The following SCNN1G variants were observed in gnomAD, a reference collection of about 807,000 sequenced individuals.
SCNN1G encodes sodium channel epithelial 1 subunit gamma.
In SCNN1G, 27 loss-of-function variants were observed where a neutral mutation model predicts 64.6. The observed-to-expected ratio is 0.42, with a 90% CI of 0.31 to 0.58. The LOEUF is 0.58. SCNN1G is among the 20% of genes least tolerant of loss of function. The pLI is 0.18. For missense variants in SCNN1G, 743 were observed against 823.4 expected (o/e 0.90, Z 1.19); for synonymous variants, 330 against 314.2 (o/e 1.05, Z -0.53).
chr16:23,204,334 T>TATATATATAGAGAGAGAGAG (rs1567267153), intron 6 of SCNN1G, among the ~76,000 whole-genome samples: 2 of 15,172 alleles, frequency 1.3e-4, no homozygotes, highest in Non-Finnish European at 2.2e-4. Context: ...TATATATATA[T>TATATATATAGAGAGAGAGAG]AGAGAGAGAG....
intron 6 of SCNN1G, among the ~76,000 whole-genome samples, chr16:23,197,878 CAA>C (rs10716781): frequency 1.1e-3 from 160 of 144,430 alleles, no homozygotes; most frequent in South Asian, 3.1e-3. Context: ...GACTCCATCT[CAA>C]AAAAAAAAAA....
At chr16:23,197,165 G>T in intron 5 of SCNN1G, 99 bp from the exon 6 acceptor site, 1 of 966,294 alleles carries the variant, frequency 1.0e-6, no homozygotes, top group South Asian at 1.4e-5. Flanking sequence ...GAAATACCTG[G>T]TCTTGGGTTT....
rs772662441 is a variant in SCNN1G at position 23,186,347 on chromosome 16, A to G, written c.76A>G (p.Lys26Glu). The G allele has an allele frequency of 1.2e-6, 2 of 1,614,268 alleles. No individual in the cohort carries two copies. Among genetic ancestry groups the G allele is most frequent in the South Asian group, 2.2e-5 (2 of 91,090 alleles). ...GACGGGCCCTCAGGCGCCGACCATT[A>G]AAGAGCTGATGCGGTGGTACTGCCT... ...PVTGPQAPTIKELMRWYCLNT... is the reference protein window; with the variant it reads ...PVTGPQAPTIEELMRWYCLNT... Residue 26 changes from lysine to glutamate, a missense_variant, in exon 2 of 13, where the codon AAA (lysine) becomes GAA (glutamate). By Grantham distance (56) the Lys-to-Glu change is moderately conservative. Coordinates refer to ENST00000300061, the MANE Select transcript of SCNN1G (RefSeq NM_001039.4).
At chr16:23,214,563 G>A (rs1033874494) in intron 11 of SCNN1G, 149 bp from the exon 12 acceptor site, 11 of 700,846 alleles carry the variant, frequency 1.6e-5, no homozygotes, top group Admixed American at 4.0e-5. Context: ...GGGTGTAGAC[G>A]GAGCCCTTAT....
intron 6 of SCNN1G, among the ~76,000 whole-genome samples, chr16:23,209,519 TAC>T (rs1960044860): frequency 4.6e-5 from 7 of 152,330 alleles, no homozygotes; most frequent in South Asian, 2.1e-4. Context: ...CACTGGAAGG[TAC>T]GTTCCAGGAG....
At position 23,205,959 on chromosome 16, in the gene SCNN1G, A is replaced by T. The variant is rs1158596997; in HGVS notation, c.1078-3791A>T. Among the ~76,000 whole-genome samples the T allele has an allele frequency of 2.6e-5, 4 of 151,970 alleles. No individual in the cohort carries two copies. The East Asian group carries it at 7.8e-4, about 29-fold the overall frequency. ...CCACCATGCCCTCAGTGGCTGGGGGAGGAAGTCCTTTTTACTACTGGGAGA... is the reference window on the plus strand; with the variant it reads ...CCACCATGCCCTCAGTGGCTGGGGGTGGAAGTCCTTTTTACTACTGGGAGA... On this transcript the variant is annotated intron_variant, in intron 6 of 12. Coordinates refer to ENST00000300061, the MANE Select transcript of SCNN1G (RefSeq NM_001039.4).
rs1025395986 is a variant in SCNN1G at position 23,182,776 on chromosome 16, C to A, written c.-82C>A. On this transcript the variant is annotated 5_prime_UTR_variant, in exon 1 of 13. Coordinates refer to ENST00000300061, the MANE Select transcript of SCNN1G (RefSeq NM_001039.4). The stretch of plus-strand genomic sequence containing the variant: ...AGCCCGAGAGCGAGCAGAGGAGCAG[C>A]GCACCCGCACGAGCCTTGGACCCTT... 4.6e-5 allele frequency: 7 copies of A among 152,448 alleles called. No individual in the cohort carries two copies. Among genetic ancestry groups the A allele is most frequent in the African/African-American group, 1.4e-4 (6 of 41,470 alleles). 9.4% of individuals were successfully genotyped at this position (152,448 alleles called of 1,614,324 possible).
intron 6 of SCNN1G, among the ~76,000 whole-genome samples, chr16:23,207,030 A>G (rs1158217956): frequency 6.6e-6 from 1 of 152,190 alleles, no homozygotes; most frequent in Non-Finnish European, 1.5e-5. Context: ...AATTTGCTCC[A>G]TTTGCTCTAC....
chr16:23,205,201 A>C (rs545372338), intron 6 of SCNN1G, among the ~76,000 whole-genome samples: 26 of 152,276 alleles, frequency 1.7e-4, no homozygotes, highest in Admixed American at 7.8e-4. Context: ...CCAAGCCTAC[A>C]TTCCTGACCC....
chr16:23,215,064 T>C (rs772537143), intron 12 of SCNN1G, 25 bp from the exon 13 acceptor site: 1 of 1,613,694 alleles, frequency 6.2e-7, no homozygotes, highest in Non-Finnish European at 8.5e-7. Flanking sequence ...TTCCTCTTGA[T>C]GGTGTGGCTT....
chr16:23,187,604 T>A (rs1959634641), intron 2 of SCNN1G, among the ~76,000 whole-genome samples: 1 of 152,134 alleles, frequency 6.6e-6, no homozygotes, highest in Non-Finnish European at 1.5e-5. Context: ...GCCTGCAGCA[T>A]AAGTGAGCTC....
intron 2 of SCNN1G, 67 bp downstream of exon 2, chr16:23,186,655 C>G (rs1028401538): frequency 7.3e-7 from 1 of 1,374,706 alleles, no homozygotes; most frequent in East Asian, 2.3e-5. Flanking sequence ...AAGCCCCTCC[C>G]GAAAGTGACA....
intron 6 of SCNN1G, among the ~76,000 whole-genome samples, chr16:23,202,608 C>T (rs1959910833): frequency 6.6e-6 from 1 of 152,172 alleles, no homozygotes; most frequent in African/African-American, 2.4e-5. Context: ...ACACTGGAGA[C>T]AGCACATTTG....
At position 23,198,798 on chromosome 16, in the gene SCNN1G, T is replaced by C. The variant is rs545215277; in HGVS notation, c.1077+1371T>C. 3.3e-5 allele frequency among the ~76,000 whole-genome samples: 5 copies of C among 151,870 alleles called. 1 individual carries two copies. The South Asian group carries it at 1.0e-3, about 32-fold the overall frequency. ...GAGTTAGGTGCAGTGCATAGACTTGTAGTCCCAGCCACTCAGGAGGCTGAA... is the reference window on the plus strand; with the variant it reads ...GAGTTAGGTGCAGTGCATAGACTTGCAGTCCCAGCCACTCAGGAGGCTGAA... On this transcript the variant is annotated intron_variant, in intron 6 of 12. Transcript: ENST00000300061.
chr16:23,216,224 G>A lies in SCNN1G; in HGVS notation c.*755G>A. The A allele has an allele frequency of 6.5e-6, 1 of 152,776 alleles. No individual in the cohort carries two copies. The highest frequency in any genetic ancestry group is 1.5e-5 in the Non-Finnish European group (1 of 68,420). The allele number at this position is 152,776 out of a possible 1,614,324, so 9.5% of individuals were successfully genotyped here. A position where few individuals can be genotyped will look rare whatever the true frequency, so the allele number is the denominator to read the frequency against. On this transcript the variant is annotated 3_prime_UTR_variant, in exon 13 of 13. Transcript: ENST00000300061. ...CCCAAGGTGACACAGTGAGGAGGTG[G>A]CAGAGCTAGGATTTGAACCCAGACA... is the stretch of plus-strand genomic sequence containing the variant.
At chr16:23,191,513 A>C (rs1025296163) in intron 3 of SCNN1G, among the ~76,000 whole-genome samples, 10 of 151,868 alleles carry the variant, frequency 6.6e-5, no homozygotes, top group African/African-American at 2.4e-4. Context: ...GCAGCCTAGA[A>C]CTCCTGGGCT....
At chr16:23,196,725 T>G (rs1959800451) in intron 5 of SCNN1G, among the ~76,000 whole-genome samples, 1 of 152,360 alleles carries the variant, frequency 6.6e-6, no homozygotes, top group African/African-American at 2.4e-5. Flanking sequence ...GCCAGGACTC[T>G]GCAACTTTTC....
chr16:23,187,162 G>T (rs554701914), intron 2 of SCNN1G, among the ~76,000 whole-genome samples: 5 of 147,690 alleles, frequency 3.4e-5, no homozygotes, highest in Admixed American at 1.4e-4. Context: ...AAGCTGGAGT[G>T]CAGTGGTGCA....
At chr16:23,212,206 C>A in intron 8 of SCNN1G, 55 bp downstream of exon 8, 3 of 1,198,764 alleles carry the variant, frequency 2.5e-6, no homozygotes, top group South Asian at 1.2e-5. Flanking sequence ...TCAGCCTAGT[C>A]CTGGCAATAG....
Sources: gnomAD v4.1 joint callset for allele counts (sites outside exome capture counted in the v4.1 genomes callset) on GRCh38, gnomAD v4.1.1 for gene constraint, MANE v1.5 for transcripts, NCBI Gene and HGNC (gene_info 2026-07-23, HGNC 2026-07-21) for gene names.